ACSL3: variants seen among roughly 807,000 people sequenced by gnomAD.
ACSL3 encodes fatty acid CoA ligase Acsl3.
In ACSL3, 34 loss-of-function variants were observed where a neutral mutation model predicts 84.7. That is an observed-to-expected ratio of 0.40 (90% CI 0.31 to 0.53). The LOEUF (loss-of-function observed/expected upper bound fraction) is 0.53, where lower values mean the gene tolerates loss of function less well. Ranked by LOEUF, ACSL3 falls within the 20% of genes least tolerant of loss-of-function variation. The pLI is 0.48. For missense variants in ACSL3, 680 were observed against 873.1 expected (o/e 0.78, Z 2.79); for synonymous variants, 315 against 299.4 (o/e 1.05, Z -0.54).
intron 2 of ACSL3, among the ~76,000 whole-genome samples, chr2:222,889,566 T>C (rs1371106516): frequency 6.6e-6 from 1 of 152,184 alleles, no homozygotes; most frequent in Non-Finnish European, 1.5e-5. Context: ...ACGTGTCCTT[T>C]GTGTGATTGT....
At chr2:222,880,639 T>C (rs1286276390) in intron 1 of ACSL3, among the ~76,000 whole-genome samples, 1 of 151,796 alleles carries the variant, frequency 6.6e-6, no homozygotes, top group East Asian at 1.9e-4. Flanking sequence ...CCATCCTGGC[T>C]AACACGGTGA....
chr2:222,932,951 A>AAG (rs1697069420), intron 14 of ACSL3: 1 of 9,734 alleles, frequency 1.0e-4, no homozygotes, highest in Non-Finnish European at 1.3e-4. Flanking sequence ...AAAAAAAAAA[A>AAG]AAAAAAAAAA....
At chr2:222,925,014 G>C (rs1399320892) in intron 11 of ACSL3, among the ~76,000 whole-genome samples, 1 of 130,538 alleles carries the variant, frequency 7.7e-6, no homozygotes, top group Non-Finnish European at 1.6e-5. Context: ...CTGGGCGACA[G>C]AGCGAGAATC....
chr2:222,911,437 TG>T (rs769078929), intron 4 of ACSL3, among the ~76,000 whole-genome samples: 2 of 152,362 alleles, frequency 1.3e-5, no homozygotes, highest in Admixed American at 6.5e-5. Flanking sequence ...TACATTTTTA[TG>T]TGCAAAAGTT....
chr2:222,907,619 G>C (rs987037040), intron 3 of ACSL3, among the ~76,000 whole-genome samples: 1 of 152,088 alleles, frequency 6.6e-6, no homozygotes, highest in African/African-American at 2.4e-5. Context: ...TGAAAAATTA[G>C]CTGAGTGTGG....
At chr2:222,912,783 A>G (rs1307871122) in intron 4 of ACSL3, among the ~76,000 whole-genome samples, 6 of 152,210 alleles carry the variant, frequency 3.9e-5, no homozygotes, top group African/African-American at 1.4e-4. Context: ...CACTACGACC[A>G]GATTCTTCCT....
chr2:222,900,069 A>T (rs1696098745), intron 2 of ACSL3, among the ~76,000 whole-genome samples: 1 of 152,212 alleles, frequency 6.6e-6, no homozygotes, highest in Non-Finnish European at 1.5e-5. Context: ...GTAGCAACAT[A>T]AAGTATCTAT....
intron 1 of ACSL3, among the ~76,000 whole-genome samples, chr2:222,867,387 A>G (rs1227288225): frequency 2.0e-5 from 3 of 152,116 alleles, no homozygotes; most frequent in Non-Finnish European, 2.9e-5. Flanking sequence ...ACAGCTAACC[A>G]CTGCTCTGAA....
At position 222,901,964 on chromosome 2, in the gene ACSL3, A is replaced by AATG. The variant is rs57522671; in HGVS notation, c.-41+1184_-41+1185insATG. ...GTCTCAAAAAAAAAAAAAAAAAAAA[A>AATG]GAACTCAAATATTGTTGAGGTAGCA... On this transcript the variant is annotated intron_variant, in intron 3 of 16. Transcript: ENST00000357430. Among the ~76,000 whole-genome samples the AATG allele has an allele frequency of 2.1e-4, 21 of 99,454 alleles. 2 individuals are homozygous for AATG. The highest frequency in any genetic ancestry group is 5.7e-4 in the African/African-American group (14 of 24,628). 65.2% of individuals were successfully genotyped at this position (99,454 alleles called of 152,430 possible). A position where few individuals can be genotyped will look rare whatever the true frequency, so the allele number is the denominator to read the frequency against.
At chr2:222,931,123 C>T (rs1343021169) in intron 14 of ACSL3, among the ~76,000 whole-genome samples, 1 of 47,796 alleles carries the variant, frequency 2.1e-5, no homozygotes, top group African/African-American at 1.3e-4. Flanking sequence ...GTCTGAACTG[C>T]ACCCTTGCCT....
intron 5 of ACSL3, chr2:222,917,845 C>T: frequency 2.7e-6 from 1 of 371,696 alleles, no homozygotes; most frequent in Non-Finnish European, 4.8e-6. Flanking sequence ...AATTGGAAAT[C>T]TTGGGGCATT....
chr2:222,898,197 G>A (rs1228477863), intron 2 of ACSL3, among the ~76,000 whole-genome samples: 1 of 151,892 alleles, frequency 6.6e-6, no homozygotes, highest in African/African-American at 2.4e-5. Flanking sequence ...TAATTTATAG[G>A]CGCTCTTTGT....
chr2:222,944,110 T>A lies in ACSL3; in HGVS notation c.*2456T>A, dbSNP rs1319936421. ...TCTTAGCAGAAACTTCATGAAAAAGTTTTTGCTGACACAGAACAAACCTGA... is the reference window on the plus strand; with the variant it reads ...TCTTAGCAGAAACTTCATGAAAAAGATTTTGCTGACACAGAACAAACCTGA... On this transcript the variant is annotated 3_prime_UTR_variant, in exon 17 of 17. Transcript: ENST00000357430. The A allele has an allele frequency of 6.6e-6, 1 of 152,082 alleles. No homozygotes were observed. The highest frequency in any genetic ancestry group is 1.5e-5 in the Non-Finnish European group (1 of 67,958). The allele number at this position is 152,082 out of a possible 1,614,324, so 9.4% of individuals were successfully genotyped here.
At position 222,943,340 on chromosome 2, in the gene ACSL3, A is replaced by G. The variant is rs894796109; in HGVS notation, c.*1686A>G. The G allele has an allele frequency of 5.3e-6, 1 of 188,302 alleles. No individual in the cohort carries two copies. The highest frequency in any genetic ancestry group is 2.3e-5 in the African/African-American group (1 of 42,830). The allele number at this position is 188,302 out of a possible 1,614,324, so 11.7% of individuals were successfully genotyped here. A position where few individuals can be genotyped will look rare whatever the true frequency, so the allele number is the denominator to read the frequency against. On this transcript the variant is annotated 3_prime_UTR_variant, in exon 17 of 17. Transcript: ENST00000357430. Reference sequence around the variant, plus strand: ...ATAACTGCCAAGAAGAAGTAAAAATATTGAATGGAACTTCTATATGAGGAT... The same window carrying G: ...ATAACTGCCAAGAAGAAGTAAAAATGTTGAATGGAACTTCTATATGAGGAT...
intron 1 of ACSL3, among the ~76,000 whole-genome samples, chr2:222,867,757 G>A (rs1322518551): frequency 6.6e-6 from 1 of 152,056 alleles, no homozygotes; most frequent in Non-Finnish European, 1.5e-5. Flanking sequence ...TTACCGTTAA[G>A]TATTATTGAA....
At chr2:222,869,424 T>C (rs184723422) in intron 1 of ACSL3, among the ~76,000 whole-genome samples, 2 of 152,210 alleles carry the variant, frequency 1.3e-5, no homozygotes, top group Non-Finnish European at 1.5e-5. Context: ...TCTTTATCCC[T>C]TCTCTGCCCT....
chr2:222,887,834 T>G lies in ACSL3; in HGVS notation c.-202T>G, dbSNP rs1226991205. 2 of 152,180 alleles carry G rather than the reference T, an allele frequency of 1.3e-5. No homozygotes were observed. Among genetic ancestry groups the G allele is most frequent in the Non-Finnish European group, 2.9e-5 (2 of 68,018 alleles). 9.4% of individuals were successfully genotyped at this position (152,180 alleles called of 1,614,324 possible). On this transcript the variant is annotated 5_prime_UTR_variant, in exon 2 of 17. Transcript: ENST00000357430. ...TTTTTATGTTTGTTTTGACAGGTTT[T>G]GACACAAGGGCGCATATCTTCAAAG...
At chr2:222,907,530 G>A (rs1696323195) in intron 3 of ACSL3, among the ~76,000 whole-genome samples, 1 of 152,134 alleles carries the variant, frequency 6.6e-6, no homozygotes, top group Non-Finnish European at 1.5e-5. Context: ...GGAGGCTCAG[G>A]TGGGAGAATT....
chr2:222,918,899 T>G (rs752535206), intron 6 of ACSL3, among the ~76,000 whole-genome samples, 165 bp from the exon 7 acceptor site: 1 of 152,060 alleles, frequency 6.6e-6, no homozygotes, highest in Non-Finnish European at 1.5e-5. Flanking sequence ...TTCAGACCAA[T>G]ACTTAATCAT....
Sources: allele counts gnomAD v4.1 joint callset (sites outside exome capture counted in the v4.1 genomes callset), GRCh38; gene constraint gnomAD v4.1.1; transcripts MANE v1.5; gene names NCBI Gene and HGNC (gene_info 2026-07-23, HGNC 2026-07-21).